Variants in GFRA3 observed in about 807,000 individuals in gnomAD.
GFRA3 encodes GDNF family receptor alpha 3, also known as GDNF family receptor alpha-3.
GFRA3 carries 24 observed loss-of-function variants against 40.0 expected under a neutral mutation model. The observed-to-expected ratio is 0.60, with a 90% CI of 0.43 to 0.84. The LOEUF is 0.84. Ranked by LOEUF, GFRA3 falls within the 40% of genes least tolerant of loss-of-function variation. The probability of loss-of-function intolerance (pLI) is 0.00; values close to 1 mark genes in which losing one functional copy is unlikely to be tolerated. For missense variants in GFRA3, 405 were observed against 530.6 expected (o/e 0.76, Z 2.33); for synonymous variants, 203 against 213.5 (o/e 0.95, Z 0.43).
chr5:138,261,693 CAAAAAAAAA>C (rs70979598), intron 2 of GFRA3, among the ~76,000 whole-genome samples: 2 of 46,374 alleles, frequency 4.3e-5, no homozygotes, highest in Admixed American at 2.9e-4. Context: ...GACTCTGTCT[CAAAAAAAAA>C]AAAAAAAAAA....
chr5:138,274,330 T>TCAC lies in GFRA3; in HGVS notation c.91+1_91+3dup, dbSNP rs777035058. 1 of 1,338,098 alleles carries TCAC rather than the reference T, an allele frequency of 7.5e-7. No homozygotes were observed. The highest frequency in any genetic ancestry group is 2.8e-5 in the East Asian group (1 of 35,678). 82.9% of individuals were successfully genotyped at this position (1,338,098 alleles called of 1,614,324 possible). On this transcript the variant is annotated splice_donor_region_variant and intron_variant, in intron 1 of 7. Transcript: ENST00000274721. ...CCCCGGCCGGTGCGCGCTCTGACAC[T>TCAC]CACCGGCTGCGAGAGGCAGCGGCGA...
chr5:138,254,410 C>A (rs1224944227), intron 4 of GFRA3, among the ~76,000 whole-genome samples: 2 of 152,108 alleles, frequency 1.3e-5, no homozygotes, highest in Non-Finnish European at 2.9e-5. Flanking sequence ...TGGTCTCAAA[C>A]TCCTGACCTC....
rs560041245 is a variant in GFRA3 at position 138,257,913 on chromosome 5, G to C, written c.511C>G (p.Leu171Val). The C allele has an allele frequency of 3.1e-6, 5 of 1,614,142 alleles. No individual in the cohort carries two copies. In the African/African-American group the frequency reaches 4.0e-5, roughly 13 times the overall value. The change falls in exon 4 of 8, where the codon CTC becomes GTC. Residue 171 changes from leucine to valine, a missense_variant. By Grantham distance (32) the Leu-to-Val change is conservative. Transcript: ENST00000274721. ...LCLKFAMLCTLNDKCDRLRKA... is the reference protein window; with the variant it reads ...LCLKFAMLCTVNDKCDRLRKA... ...CGCAGCCGGTCACACTTGTCATTGA[G>C]AGTACACAGCATGGCAAACTTGAGG...
intron 1 of GFRA3, among the ~76,000 whole-genome samples, chr5:138,266,186 C>T (rs970733817): frequency 3.3e-5 from 5 of 152,050 alleles, no homozygotes; most frequent in Non-Finnish European, 5.9e-5. Context: ...GGGATACATA[C>T]CTAGGGATGG....
In GFRA3 at chr5:138,264,476, G is replaced by A. The variant is rs1346871812; in HGVS notation, c.164C>T (p.Pro55Leu). 6.2e-7 allele frequency: 1 copy of A among 1,613,236 alleles called. No individual in the cohort carries two copies. Among genetic ancestry groups the A allele is most frequent in the Admixed American group, 1.7e-5 (1 of 60,010 alleles). The change falls in exon 2 of 8, where the codon CCC becomes CTC. Residue 55 changes from proline to leucine, a missense_variant. By Grantham distance (98) the Pro-to-Leu change is moderately conservative (BLOSUM62 -3). Transcript: ENST00000274721. ...LQARRKCQAD[P>L]TCSAAYHHLD... ...GTGGTGGTAGGCAGCACTGCAGGTG[G>A]GATCAGCCTGGCACTTCCTCCTGGC... is the stretch of plus-strand genomic sequence containing the variant.
At chr5:138,265,117 C>A (rs942078407) in intron 1 of GFRA3, among the ~76,000 whole-genome samples, 2 of 151,886 alleles carry the variant, frequency 1.3e-5, no homozygotes, top group African/African-American at 2.4e-5. Context: ...CGGAAGGAAG[C>A]CCCTGCATCC....
At chr5:138,254,232 G>A in intron 4 of GFRA3, 72 bp from the exon 5 acceptor site, 3 of 882,462 alleles carry the variant, frequency 3.4e-6, no homozygotes, top group East Asian at 2.6e-5. Context: ...CTCTTGCCCA[G>A]GCTGGAGTGC....
intron 1 of GFRA3, among the ~76,000 whole-genome samples, chr5:138,264,810 G>T (rs554956566): frequency 6.6e-6 from 1 of 152,136 alleles, no homozygotes; most frequent in Non-Finnish European, 1.5e-5. Context: ...CCTTCAGGGA[G>T]GTGAAGGGAA....
intron 4 of GFRA3, among the ~76,000 whole-genome samples, chr5:138,255,931 G>A (rs112955994): frequency 1.3e-3 from 199 of 148,582 alleles, no homozygotes; most frequent in South Asian, 2.4e-3. Flanking sequence ...AGAAGAAGAA[G>A]AAAAAAACCA....
At chr5:138,269,233 A>G (rs759135692) in intron 1 of GFRA3, among the ~76,000 whole-genome samples, 7 of 152,082 alleles carry the variant, frequency 4.6e-5, no homozygotes, top group Non-Finnish European at 7.4e-5. Flanking sequence ...CAGTCTGGAG[A>G]TTCCTTAAAG....
rs536166264 is a variant in GFRA3, at chr5:138,264,505, G to A, written c.135C>T (p.Leu45=). The A allele has an allele frequency of 2.5e-6, 4 of 1,612,766 alleles. No individual in the cohort carries two copies. Among genetic ancestry groups the A allele is most frequent in the Non-Finnish European group, 3.4e-6 (4 of 1,179,204 alleles). Residue 45 remains leucine (L), a synonymous_variant, in exon 2 of 8, where the codon CTC becomes CTT. Transcript: ENST00000274721. The part of the protein sequence containing the change: ...PTESRLMNSC[L]QARRKCQADP... ...CAGCCTGGCACTTCCTCCTGGCCTG[G>A]AGACAGCTGTTCATGAGTCGGCTTT...
At chr5:138,258,190 TTTTTTTTG>T (rs1755661626) in intron 3 of GFRA3, among the ~76,000 whole-genome samples, 1 of 87,922 alleles carries the variant, frequency 1.1e-5, no homozygotes, top group African/African-American at 3.7e-5. Flanking sequence ...TTTTTTTTTT[TTTTTTTTG>T]AGACGGAGTT....
intron 3 of GFRA3, 40 bp downstream of exon 3, chr5:138,259,517 G>C: frequency 1.1e-6 from 1 of 895,542 alleles, no homozygotes; most frequent in East Asian, 2.4e-5. Context: ...CCAGGGTCCA[G>C]CCCCAGCCTC....
intron 1 of GFRA3, among the ~76,000 whole-genome samples, chr5:138,268,409 C>CAAAA (rs59137747): frequency 1.7e-5 from 2 of 116,128 alleles, no homozygotes; most frequent in South Asian, 2.8e-4. Context: ...AAAGCAAATG[C>CAAAA]AAAAAAAAAA....
At chr5:138,274,203 C>G in intron 1 of GFRA3, 131 bp downstream of exon 1, 1 of 1,197,906 alleles carries the variant, frequency 8.3e-7, no homozygotes, top group Non-Finnish European at 1.1e-6. Flanking sequence ...CTTCCTGCTC[C>G]AGTTCCCCTT....
intron 1 of GFRA3, among the ~76,000 whole-genome samples, chr5:138,265,207 T>G (rs975454508): frequency 6.6e-4 from 1 of 1,520 alleles, no homozygotes; most frequent in Non-Finnish European, 6.2e-3. Flanking sequence ...CTAGGAGAAC[T>G]TTTTTTTTTT....
intron 1 of GFRA3, among the ~76,000 whole-genome samples, chr5:138,265,855 C>T (rs945054477): frequency 6.6e-6 from 1 of 152,140 alleles, no homozygotes; most frequent in East Asian, 1.9e-4. Flanking sequence ...GCCACCACAT[C>T]TGGTTAATTT....
intron 1 of GFRA3, among the ~76,000 whole-genome samples, chr5:138,272,107 G>A (rs1755885043): frequency 2.0e-5 from 3 of 150,036 alleles, no homozygotes; most frequent in Admixed American, 6.7e-5. Flanking sequence ...CCAGGTTCAC[G>A]CCATTCTCCT....
chr5:138,264,677 C>A, intron 1 of GFRA3, 129 bp from the exon 2 acceptor site: 1 of 626,842 alleles, frequency 1.6e-6, no homozygotes, highest in Non-Finnish European at 2.8e-6. Flanking sequence ...CACAAAAGGC[C>A]TTTAAGAATA....
Sources: allele counts gnomAD v4.1 joint callset (sites outside exome capture counted in the v4.1 genomes callset), GRCh38; gene constraint gnomAD v4.1.1; transcripts MANE v1.5; gene names NCBI Gene and HGNC (gene_info 2026-07-23, HGNC 2026-07-21).